CCDC93: variants seen among roughly 807,000 people sequenced by gnomAD.
The protein encoded by CCDC93 is coiled-coil domain-containing protein 93.
In CCDC93, 61 loss-of-function variants were observed where a neutral mutation model predicts 108.2. That is an observed-to-expected ratio of 0.56 (90% CI 0.46 to 0.70). The LOEUF (loss-of-function observed/expected upper bound fraction) is 0.70. Among genes scored for constraint, CCDC93 ranks in the 30% least tolerant of loss-of-function variants. CCDC93 has a pLI of 0.00. For missense variants in CCDC93, 685 were observed against 764.2 expected, an observed-to-expected ratio of 0.90 and a Z score of 1.22; for synonymous variants, 276 against 260.4, an observed-to-expected ratio of 1.06 and a Z score of -0.58.
At chr2:117,924,284 A>C (rs947353143) in intron 23 of CCDC93, among the ~76,000 whole-genome samples, 1 of 152,236 alleles carries the variant, frequency 6.6e-6, no homozygotes, top group African/African-American at 2.4e-5. Context: ...ACAGAGAATG[A>C]CTTTGATGAG....
chr2:117,937,834 C>T (rs192385913), intron 20 of CCDC93, among the ~76,000 whole-genome samples: 27 of 152,290 alleles, frequency 1.8e-4, no homozygotes, highest in Non-Finnish European at 2.6e-4. Context: ...GTCTGTTATA[C>T]GCCTACCACT....
intron 11 of CCDC93, among the ~76,000 whole-genome samples, chr2:117,967,358 G>A (rs1679620437): frequency 6.6e-6 from 1 of 152,232 alleles, no homozygotes; most frequent in Admixed American, 6.5e-5. Flanking sequence ...AACATGAAGA[G>A]TCACTTAGAT....
chr2:117,945,170 A>C (rs937878664), intron 17 of CCDC93, among the ~76,000 whole-genome samples: 1 of 152,232 alleles, frequency 6.6e-6, no homozygotes, highest in African/African-American at 2.4e-5. Context: ...AGTACAACAG[A>C]GAGAGAAGGT....
At chr2:117,981,445 TCCGCAGTG>T (rs1320437749) in intron 7 of CCDC93, among the ~76,000 whole-genome samples, 1 of 152,214 alleles carries the variant, frequency 6.6e-6, no homozygotes, top group Non-Finnish European at 1.5e-5. Flanking sequence ...ACAGCTCTGA[TCCGCAGTG>T]CCGCATGCTT....
intron 22 of CCDC93, among the ~76,000 whole-genome samples, chr2:117,932,215 G>A (rs1011680264): frequency 3.3e-5 from 5 of 152,166 alleles, no homozygotes; most frequent in Admixed American, 2.0e-4. Flanking sequence ...GGTACAGACC[G>A]GGTGCCTGAC....
intron 22 of CCDC93, among the ~76,000 whole-genome samples, chr2:117,933,716 TTTTA>T (rs1199659502): frequency 6.6e-6 from 1 of 152,128 alleles, no homozygotes; most frequent in Non-Finnish European, 1.5e-5. Context: ...TTTTTTTTTT[TTTTA>T]AACAAACACA....
chr2:118,011,323 G>A (rs114048383), intron 1 of CCDC93, among the ~76,000 whole-genome samples: 1 of 152,108 alleles, frequency 6.6e-6, no homozygotes, highest in Non-Finnish European at 1.5e-5. Flanking sequence ...GAGTGGCGTG[G>A]GGGAGGTGAC....
chr2:117,952,475 C>A (rs1195372604), intron 12 of CCDC93, 40 bp from the exon 13 acceptor site: 1 of 1,367,164 alleles, frequency 7.3e-7, no homozygotes, highest in Non-Finnish European at 1.0e-6. Flanking sequence ...CTCATTTGAT[C>A]CTTATGACAA....
intron 22 of CCDC93, among the ~76,000 whole-genome samples, chr2:117,932,442 C>T (rs1366364529): frequency 6.6e-6 from 1 of 152,212 alleles, no homozygotes; most frequent in Non-Finnish European, 1.5e-5. Context: ...GTCCCCAAGG[C>T]CTATCCCAAT....
intron 3 of CCDC93, among the ~76,000 whole-genome samples, chr2:118,006,375 T>G (rs1428203366): frequency 6.6e-6 from 1 of 152,154 alleles, no homozygotes; most frequent in Non-Finnish European, 1.5e-5. Flanking sequence ...AGGTGAGATC[T>G]CTAGCAAGGA....
chr2:117,948,171 CAGGTTCTGT>C lies in CCDC93; in HGVS notation c.1149_1157del (p.Gln384_Leu386del). 6.2e-7 allele frequency: 1 copy of C among 1,613,334 alleles called. No individual in the cohort carries two copies. Among genetic ancestry groups the C allele is most frequent in the Non-Finnish European group, 8.5e-7 (1 of 1,179,422 alleles). ...TTTCATTCATGGCTACAAGTGCTCT[CAGGTTCTGT>C]AGGATACTGAAGAGAAAAGACAAAA... On this transcript the variant is annotated inframe_deletion, in exon 15 of 24. Coordinates refer to ENST00000376300, the MANE Select transcript of CCDC93 (RefSeq NM_019044.5).
At chr2:118,007,210 T>C (rs1276711434) in intron 2 of CCDC93, among the ~76,000 whole-genome samples, 2 of 152,274 alleles carry the variant, frequency 1.3e-5, no homozygotes, top group Non-Finnish European at 2.9e-5. Flanking sequence ...ACCAGACACA[T>C]GGGCAGCAAG....
intron 3 of CCDC93, 146 bp downstream of exon 3, chr2:118,006,576 T>C (rs968027568): frequency 3.1e-6 from 2 of 649,756 alleles, no homozygotes; most frequent in African/African-American, 3.7e-5. Context: ...TCAGTCTCAG[T>C]TTCATTTGTA....
rs1380015591 is a variant in CCDC93, at chr2:117,917,320, GGGCATGGCACTTTGT to G, written c.*3008_*3022del. 6.6e-6 allele frequency: 1 copy of G among 152,656 alleles called. No individual in the cohort carries two copies. The highest frequency in any genetic ancestry group is 1.5e-5 in the Non-Finnish European group (1 of 68,100). The allele number at this position is 152,656 out of a possible 1,614,324, so 9.5% of individuals were successfully genotyped here. A position where few individuals can be genotyped will look rare whatever the true frequency, so the allele number is the denominator to read the frequency against. On this transcript the variant is annotated 3_prime_UTR_variant, in exon 24 of 24. Coordinates refer to ENST00000376300, the MANE Select transcript of CCDC93 (RefSeq NM_019044.5). Reference sequence around the variant, plus strand: ...TCACAACCCTGAGGTCTGAGGTCCCGGGCATGGCACTTTGTGAGGTAGTAAAAGGACTGTCTGAAG... The same window carrying G: ...TCACAACCCTGAGGTCTGAGGTCCCGGAGGTAGTAAAAGGACTGTCTGAAG...
chr2:117,949,406 G>A lies in CCDC93; in HGVS notation c.1069-11C>T. 6.2e-7 allele frequency: 1 copy of A among 1,602,234 alleles called. No individual in the cohort carries two copies. Among genetic ancestry groups the A allele is most frequent in the Non-Finnish European group, 8.6e-7 (1 of 1,169,498 alleles). ...ACTGTAAGTCTTCAGCTGCAAGAGA[G>A]AATGAAGACATGGTTGCTGGAGCCT... On this transcript the variant is annotated splice_polypyrimidine_tract_variant and intron_variant, in intron 13 of 23. Coordinates refer to ENST00000376300, the MANE Select transcript of CCDC93 (RefSeq NM_019044.5).
chr2:117,938,116 C>T (rs986519212), intron 20 of CCDC93, among the ~76,000 whole-genome samples: 2 of 152,188 alleles, frequency 1.3e-5, no homozygotes, highest in African/African-American at 2.4e-5. Flanking sequence ...GAGAATCCAC[C>T]ATGTGTAAGG....
chr2:118,010,844 A>G (rs1270550389), intron 1 of CCDC93, among the ~76,000 whole-genome samples: 2 of 152,238 alleles, frequency 1.3e-5, no homozygotes, highest in East Asian at 3.8e-4. Flanking sequence ...ATCACTTTCA[A>G]ATTCCAGCTC....
chr2:118,010,939 A>G (rs1011784851), intron 1 of CCDC93, among the ~76,000 whole-genome samples: 1 of 152,222 alleles, frequency 6.6e-6, no homozygotes, highest in Non-Finnish European at 1.5e-5. Context: ...TATCAACTAT[A>G]TACTGTACAT....
At chr2:117,944,784 T>G (rs1178610121) in intron 17 of CCDC93, 3 of 471,078 alleles carry the variant, frequency 6.4e-6, no homozygotes, top group African/African-American at 2.0e-5. Context: ...GGAAGAGTGC[T>G]GAAGCTCATT....
Sources: allele counts gnomAD v4.1 joint callset (sites outside exome capture counted in the v4.1 genomes callset), GRCh38; gene constraint gnomAD v4.1.1; transcripts MANE v1.5; gene names NCBI Gene and HGNC (gene_info 2026-07-23, HGNC 2026-07-21).